The following SLCO5A1 variants were observed in gnomAD, a reference collection of about 807,000 sequenced individuals.
SLCO5A1 encodes solute carrier organic anion transporter family member 5A1.
In SLCO5A1, 39 loss-of-function variants were observed where a neutral mutation model predicts 65.1. That is an observed-to-expected ratio of 0.60 (90% CI 0.46 to 0.78). SLCO5A1 has a LOEUF of 0.78. Among genes scored for constraint, SLCO5A1 ranks in the 30% least tolerant of loss-of-function variants. The pLI is 0.00. For synonymous variants in SLCO5A1, 438 were observed against 415.7 expected (o/e 1.05, Z -0.65); for missense variants, 1,029 against 1,069.4 (o/e 0.96, Z 0.53).
At chr8:69,694,038 G>A (rs971811725) in intron 6 of SLCO5A1, among the ~76,000 whole-genome samples, 20 of 152,220 alleles carry the variant, frequency 1.3e-4, no homozygotes, top group East Asian at 1.9e-4. Flanking sequence ...CATGTAGCAC[G>A]ATGCCTGTAA....
chr8:69,802,923 C>T (rs1222107101), intron 2 of SLCO5A1, among the ~76,000 whole-genome samples: 1 of 152,220 alleles, frequency 6.6e-6, no homozygotes, highest in Non-Finnish European at 1.5e-5. Context: ...TCAGCATAAC[C>T]TCTAGCACCC....
intron 2 of SLCO5A1, among the ~76,000 whole-genome samples, chr8:69,786,614 A>G (rs1819048719): frequency 6.6e-6 from 1 of 152,200 alleles, no homozygotes; most frequent in Non-Finnish European, 1.5e-5. Context: ...GTTCTCCCCA[A>G]GAAAGTGATC....
chr8:69,687,810 G>A (rs1414903371), intron 6 of SLCO5A1, among the ~76,000 whole-genome samples: 1 of 151,102 alleles, frequency 6.6e-6, no homozygotes, highest in East Asian at 1.9e-4. Context: ...ACATTATATT[G>A]TTATGTTAAT....
At chr8:69,807,215 T>C (rs1349416782) in intron 2 of SLCO5A1, among the ~76,000 whole-genome samples, 1 of 152,194 alleles carries the variant, frequency 6.6e-6, no homozygotes, top group Non-Finnish European at 1.5e-5. Flanking sequence ...TACATTTTAT[T>C]TTATTTTTAA....
chr8:69,727,146 A>G (rs567463990), intron 5 of SLCO5A1, among the ~76,000 whole-genome samples: 10 of 152,088 alleles, frequency 6.6e-5, no homozygotes, highest in Non-Finnish European at 1.5e-4. Context: ...GTGTTCTCAT[A>G]TGGCTTCCCT....
chr8:69,755,367 T>C (rs1817493373), intron 4 of SLCO5A1, 57 bp downstream of exon 4: 5 of 1,443,738 alleles, frequency 3.5e-6, no homozygotes, highest in South Asian at 2.4e-5. Context: ...GGGACCACAC[T>C]ATGAGTAGCA....
At chr8:69,740,058 T>C (rs1426131101) in intron 4 of SLCO5A1, among the ~76,000 whole-genome samples, 1 of 152,230 alleles carries the variant, frequency 6.6e-6, no homozygotes, top group African/African-American at 2.4e-5. Flanking sequence ...TTTGGCATGA[T>C]AAAATAGCCT....
At chr8:69,828,459 G>A (rs1171830160) in intron 2 of SLCO5A1, among the ~76,000 whole-genome samples, 2 of 151,950 alleles carry the variant, frequency 1.3e-5, no homozygotes, top group South Asian at 2.1e-4. Flanking sequence ...AAAATTAGCT[G>A]GGCGTGGTGG....
chr8:69,764,364 C>A (rs1037999777), intron 2 of SLCO5A1, among the ~76,000 whole-genome samples: 1 of 152,210 alleles, frequency 6.6e-6, no homozygotes, highest in East Asian at 1.9e-4. Flanking sequence ...CCTAAATACA[C>A]TTTGAATGAT....
rs534845990 is a variant in SLCO5A1, at chr8:69,725,555, G to A, written c.1423+12485C>T. Among the ~76,000 whole-genome samples, 13 of 152,272 alleles carry A rather than the reference G, an allele frequency of 8.5e-5. No individual in the cohort carries two copies. The East Asian group carries it at 2.3e-3, about 27-fold the overall frequency. ...AGATCCAAAGTAAAGTGGTAAGATA[G>A]TGATTAACTTGAATGCCTGGAAAAA... On this transcript the variant is annotated intron_variant, in intron 5 of 9. Coordinates refer to ENST00000260126, the MANE Select transcript of SLCO5A1 (RefSeq NM_030958.3).
rs753806628 is a variant in SLCO5A1, at chr8:69,682,329, A to G, written c.1637T>C (p.Met546Thr). 6.2e-7 allele frequency: 1 copy of G among 1,604,432 alleles called. No individual in the cohort carries two copies. The highest frequency in any genetic ancestry group is 2.3e-5 in the East Asian group (1 of 44,206). The change falls in exon 7 of 10, where the codon ATG (methionine) becomes ACG (threonine). Residue 546 changes from methionine to threonine, a missense_variant. By Grantham distance (81) the Met-to-Thr change is moderately conservative. Around this residue, in one of 3 missense-constraint regions of SLCO5A1, gnomAD observed 124 missense variants for 184.5 expected, o/e 0.67. Coordinates refer to ENST00000260126, the MANE Select transcript of SLCO5A1 (RefSeq NM_030958.3). Reference sequence around the variant, plus strand: ...GCTTCCTGTCAGATTCCTATGGGGCATGGTGAGAGAAGGTCTAAGAGAGAA... The same window carrying G: ...GCTTCCTGTCAGATTCCTATGGGGCGTGGTGAGAGAAGGTCTAAGAGAGAA... ...IPYTTGPSLT[M>T]PHRNLTGSCN...
At chr8:69,703,443 G>A (rs1467193570) in intron 6 of SLCO5A1, among the ~76,000 whole-genome samples, 3 of 152,190 alleles carry the variant, frequency 2.0e-5, no homozygotes, top group African/African-American at 7.2e-5. Context: ...CTACTTGGGA[G>A]GCTGAGACAG....
At chr8:69,731,908 C>A (rs1359520673) in intron 5 of SLCO5A1, among the ~76,000 whole-genome samples, 1 of 152,204 alleles carries the variant, frequency 6.6e-6, no homozygotes, top group East Asian at 1.9e-4. Flanking sequence ...TAGTGGACAT[C>A]TACACCTAAA....
At position 69,832,385 on chromosome 8, in the gene SLCO5A1, G is replaced by C; in HGVS notation, c.289C>G (p.His97Asp). 6 of 1,613,292 alleles carry C rather than the reference G, an allele frequency of 3.7e-6. No individual in the cohort carries two copies. The highest frequency in any genetic ancestry group is 5.1e-6 in the Non-Finnish European group (6 of 1,179,634). ...STSAGLGDCN[H>D]RVDLSKTFSV... Reference sequence around the variant, plus strand: ...AAGGTTTTGCTGAGGTCCACCCTGTGGTTACAGTCCCCGAGCCCCGCCGAA... The same window carrying C: ...AAGGTTTTGCTGAGGTCCACCCTGTCGTTACAGTCCCCGAGCCCCGCCGAA... The change falls in exon 2 of 10, where the codon CAC becomes GAC. Residue 97 changes from histidine to aspartate, a missense_variant. His to Asp is a moderately conservative substitution (Grantham distance 81). Around this residue, in one of 3 missense-constraint regions of SLCO5A1, gnomAD observed 647 missense variants for 647.5 expected, o/e 1.00. Transcript: ENST00000260126. The surrounding 1 kb of genome is among the most constrained non-coding windows in gnomAD (Gnocchi z 4.5).
intron 6 of SLCO5A1, among the ~76,000 whole-genome samples, chr8:69,701,673 T>C (rs1814740717): frequency 6.6e-6 from 1 of 152,214 alleles, no homozygotes; most frequent in African/African-American, 2.4e-5. Context: ...CCCGCCTTTC[T>C]GGACCAAACC....
At chr8:69,802,999 T>G (rs1819818115) in intron 2 of SLCO5A1, among the ~76,000 whole-genome samples, 1 of 152,206 alleles carries the variant, frequency 6.6e-6, no homozygotes, top group African/African-American at 2.4e-5. Flanking sequence ...AATGAACCAA[T>G]GAATGAAGTC....
chr8:69,794,469 A>G, intron 2 of SLCO5A1: 2 of 430,098 alleles, frequency 4.7e-6, no homozygotes, highest in East Asian at 5.9e-5. Context: ...AAGAGTATTG[A>G]ACCAATTCCA....
chr8:69,733,678 C>T (rs939488678), intron 5 of SLCO5A1, among the ~76,000 whole-genome samples: 4 of 152,168 alleles, frequency 2.6e-5, no homozygotes, highest in Admixed American at 6.5e-5. Context: ...TCTCACGAGA[C>T]GTGATGGTTT....
At chr8:69,749,908 G>C (rs572139744) in intron 4 of SLCO5A1, among the ~76,000 whole-genome samples, 12 of 152,220 alleles carry the variant, frequency 7.9e-5, no homozygotes, top group African/African-American at 2.4e-4. Context: ...ATTTTTAACA[G>C]GGTGGCTAAG....
Sources: gnomAD v4.1 joint callset for allele counts (sites outside exome capture counted in the v4.1 genomes callset) on GRCh38, gnomAD v4.1.1 for gene constraint, gnomAD v4.1.1 regional missense constraint, Gnocchi (gnomAD v3.1) non-coding constraint, MANE v1.5 for transcripts, NCBI Gene and HGNC (gene_info 2026-07-23, HGNC 2026-07-21) for gene names.